UGT1A4: variants seen among roughly 807,000 people sequenced by gnomAD.
UGT1A4 encodes the protein UDP glucuronosyltransferase family 1 member A4, also known as UDP-glucuronosyltransferase 1A4.
Under a neutral mutation model 41.1 loss-of-function variants are expected in UGT1A4, and 32 were observed. The ratio of observed to expected loss-of-function variants is 0.78; its 90% CI spans 0.59 to 1.05. The LOEUF (loss-of-function observed/expected upper bound fraction) is 1.05. UGT1A4 is among the 50% of genes least tolerant of loss of function. UGT1A4 has a pLI of 0.00. For missense variants in UGT1A4, 748 were observed against 677.4 expected (o/e 1.10, Z -1.16); for synonymous variants, 283 against 265.1 (o/e 1.07, Z -0.66).
chr2:233,760,816 T>C (rs72551342), intron 1 of UGT1A4: 3 of 1,613,644 alleles, frequency 1.9e-6, no homozygotes, highest in South Asian at 1.1e-5. Flanking sequence ...TGCACTGCCA[T>C]GCAGCCTGGA....
At chr2:233,724,529 G>C (rs1336753054) in intron 1 of UGT1A4, among the ~76,000 whole-genome samples, 1 of 116,504 alleles carries the variant, frequency 8.6e-6, no homozygotes, top group East Asian at 2.7e-4. Flanking sequence ...ATGGGGTCTC[G>C]CCGGGCAGAG....
intron 1 of UGT1A4, among the ~76,000 whole-genome samples, chr2:233,763,573 CTCTT>C (rs1698348195): frequency 1.3e-5 from 2 of 152,188 alleles, no homozygotes; most frequent in African/African-American, 4.8e-5. Flanking sequence ...TTCTTATTTT[CTCTT>C]TCTTCCTTTG....
chr2:233,732,205 G>A (rs1179659019), intron 1 of UGT1A4, among the ~76,000 whole-genome samples: 1 of 152,068 alleles, frequency 6.6e-6, no homozygotes, highest in East Asian at 1.9e-4. Context: ...TTGTCAGATG[G>A]GTAGATTGCA....
chr2:233,769,459 A>G lies in UGT1A4; in HGVS notation c.1307+1020A>G. On this transcript the variant is annotated intron_variant, in intron 4 of 4. Coordinates refer to ENST00000373409, the MANE Select transcript of UGT1A4 (RefSeq NM_007120.3). This position sits in a 1 kb window ranked among gnomAD's most constrained non-coding sequence, Gnocchi z 4.4. The stretch of plus-strand genomic sequence containing the variant: ...TGTGTGGGTGCACACGTGTGCATTC[A>G]TATGCGTGTGTGTGTGTGTGCGTGT... 1 of 1,591,312 alleles carries G rather than the reference A, an allele frequency of 6.3e-7. No individual in the cohort carries two copies. Among genetic ancestry groups the G allele is most frequent in the Non-Finnish European group, 8.6e-7 (1 of 1,161,842 alleles).
At chr2:233,726,997 A>G (rs1314569583) in intron 1 of UGT1A4, among the ~76,000 whole-genome samples, 1 of 152,156 alleles carries the variant, frequency 6.6e-6, no homozygotes, top group Non-Finnish European at 1.5e-5. Context: ...TCTTTCTAGC[A>G]AAGTTTTATC....
intron 1 of UGT1A4, among the ~76,000 whole-genome samples, chr2:233,734,400 T>G (rs76797219): frequency 6.6e-6 from 1 of 152,204 alleles, no homozygotes; most frequent in South Asian, 2.1e-4. Context: ...TTGCGTCTAT[T>G]TGATTCTTCT....
intron 1 of UGT1A4, among the ~76,000 whole-genome samples, chr2:233,756,884 T>C (rs1289001884): frequency 6.6e-6 from 1 of 152,128 alleles, no homozygotes; most frequent in Non-Finnish European, 1.5e-5. Flanking sequence ...GTAATGAGGA[T>C]GTGTTATCTC....
rs770564267 is a variant in UGT1A4 at position 233,772,524 on chromosome 2, C to T, written c.1570C>T (p.Arg524Ter). ...GYRKCLGKKG[R>*]VKKAHKSKTH ...CCGGAAATGCTTGGGGAAAAAAGGG[C>T]GAGTTAAGAAAGCCCACAAATCCAA... The change falls in exon 5 of 5, where the codon CGA (arginine) becomes TGA (stop). Residue 524 changes from arginine to a stop codon, truncating the protein, a stop_gained. Transcript: ENST00000373409. LOFTEE classifies it high-confidence loss of function. 33 of 1,613,838 alleles carry T rather than the reference C, an allele frequency of 2.0e-5. No individual in the cohort carries two copies. Among genetic ancestry groups the T allele is most frequent in the Middle Eastern group, 1.6e-4 (1 of 6,084 alleles).
At chr2:233,772,063 T>A (rs1007747764) in intron 4 of UGT1A4, among the ~76,000 whole-genome samples, 199 bp from the exon 5 acceptor site, 9 of 152,136 alleles carry the variant, frequency 5.9e-5, no homozygotes, top group Non-Finnish European at 1.2e-4. Context: ...CAGTTAGCCA[T>A]GCTTGTGCCA....
chr2:233,772,314 G>C lies in UGT1A4; in HGVS notation c.1360G>C (p.Glu454Gln), dbSNP rs1312404188. 1.9e-6 allele frequency: 3 copies of C among 1,614,222 alleles called. No homozygotes were observed. In the East Asian group the frequency reaches 6.7e-5, roughly 36 times the overall value. The change falls in exon 5 of 5, where the codon GAG becomes CAG. Residue 454 changes from glutamate (E) to glutamine (Q), a missense_variant. Coordinates refer to ENST00000373409, the MANE Select transcript of UGT1A4 (RefSeq NM_007120.3). ...LSSLHKDRPV[E>Q]PLDLAVFWVE... Reference sequence around the variant, plus strand: ...CAGCCTTCACAAGGACCGCCCGGTGGAGCCGCTGGACCTGGCCGTGTTCTG... The same window carrying C: ...CAGCCTTCACAAGGACCGCCCGGTGCAGCCGCTGGACCTGGCCGTGTTCTG...
intron 1 of UGT1A4, among the ~76,000 whole-genome samples, chr2:233,741,290 C>T (rs1691616711): frequency 6.6e-6 from 1 of 151,724 alleles, no homozygotes. Context: ...ATTTATGTAC[C>T]CAATTGTGTA....
At position 233,764,952 on chromosome 2, in the gene UGT1A4, G is replaced by A. The variant is rs141731857; in HGVS notation, c.868-2082G>A. On this transcript the variant is annotated intron_variant, in intron 1 of 4. Transcript: ENST00000373409. Reference sequence around the variant, plus strand: ...GCTGGTGAGAGTGGCGGGGAGAGAGGGCTCACCTTGGGAGAAGGATGGTCA... The same window carrying A: ...GCTGGTGAGAGTGGCGGGGAGAGAGAGCTCACCTTGGGAGAAGGATGGTCA... Among the ~76,000 whole-genome samples the A allele has an allele frequency of 2.5e-3, 384 of 152,210 alleles. 3 individuals are homozygous for A. Among genetic ancestry groups the A allele is most frequent in the South Asian group, 8.5e-3 (41 of 4,812 alleles).
chr2:233,750,586 G>A (rs1377079508), intron 1 of UGT1A4: 2 of 151,926 alleles, frequency 1.3e-5, no homozygotes, highest in East Asian at 3.9e-4. Flanking sequence ...CAGGCCTGGA[G>A]GCCTAGGAAG....
chr2:233,744,019 G>T, intron 1 of UGT1A4: 1 of 997,712 alleles, frequency 1.0e-6, no homozygotes. Flanking sequence ...GCCGCCTGGA[G>T]AGACGCCCCT....
At chr2:233,763,527 CT>C (rs1248792225) in intron 1 of UGT1A4, among the ~76,000 whole-genome samples, 2 of 152,146 alleles carry the variant, frequency 1.3e-5, no homozygotes, top group African/African-American at 4.8e-5. Context: ...TGCCATTCTC[CT>C]TTTTCCGGAT....
At chr2:233,763,407 T>C (rs888338345) in intron 1 of UGT1A4, among the ~76,000 whole-genome samples, 1 of 152,240 alleles carries the variant, frequency 6.6e-6, no homozygotes, top group African/African-American at 2.4e-5. Flanking sequence ...GCACTGGTAT[T>C]TTTAATCCAG....
intron 1 of UGT1A4, among the ~76,000 whole-genome samples, chr2:233,724,317 G>A (rs1449472256): frequency 4.8e-4 from 64 of 132,596 alleles, no homozygotes; most frequent in East Asian, 1.3e-3. Flanking sequence ...CCCGGACGGG[G>A]CGGCTGGCCA....
intron 1 of UGT1A4, chr2:233,754,604 C>T (rs1227545131): frequency 6.9e-6 from 3 of 433,838 alleles, no homozygotes; most frequent in Non-Finnish European, 1.4e-5. Context: ...TTTAACTCAA[C>T]TCTCCATCTT....
At chr2:233,744,389 G>GC (rs1692798556) in intron 1 of UGT1A4, among the ~76,000 whole-genome samples, 1 of 151,858 alleles carries the variant, frequency 6.6e-6, no homozygotes, top group African/African-American at 2.4e-5. Flanking sequence ...CAACGTTCCA[G>GC]CCCCGGTGCC....
Sources: gnomAD v4.1 joint callset for allele counts (sites outside exome capture counted in the v4.1 genomes callset) on GRCh38, gnomAD v4.1.1 for gene constraint, Gnocchi (gnomAD v3.1) non-coding constraint, MANE v1.5 for transcripts, NCBI Gene and HGNC (gene_info 2026-07-23, HGNC 2026-07-21) for gene names.